The following ZFYVE16 variants were observed in gnomAD, a reference collection of about 807,000 sequenced individuals.
ZFYVE16 encodes the protein zinc finger FYVE domain-containing protein 16.
In ZFYVE16, 89 loss-of-function variants were observed where a neutral mutation model predicts 138.1. The observed-to-expected ratio is 0.64, with a 90% CI of 0.54 to 0.77. The LOEUF (loss-of-function observed/expected upper bound fraction) is 0.77, where lower values mean the gene tolerates loss of function less well. Ranked by LOEUF, ZFYVE16 falls within the 30% of genes least tolerant of loss-of-function variation. ZFYVE16 has a pLI of 0.00. For missense variants in ZFYVE16, 1,793 were observed against 1,786.7 expected (o/e 1.00, Z -0.06); for synonymous variants, 596 against 618.3 (o/e 0.96, Z 0.53).
chr5:80,410,680 C>T (rs1294873071), intron 1 of ZFYVE16, among the ~76,000 whole-genome samples: 2 of 151,306 alleles, frequency 1.3e-5, no homozygotes, highest in African/African-American at 2.4e-5. Flanking sequence ...AAGGGATTCT[C>T]CTGCCTCAGC....
chr5:80,421,791 T>C (rs1006868311), intron 1 of ZFYVE16, among the ~76,000 whole-genome samples: 2 of 152,178 alleles, frequency 1.3e-5, no homozygotes, highest in Non-Finnish European at 2.9e-5. Flanking sequence ...CTTTTTTGGT[T>C]CCATATGAAC....
chr5:80,437,993 G>C lies in ZFYVE16; in HGVS notation c.1308G>C (p.Gln436His). Residue 436 changes from glutamine (Q) to histidine (H), a missense_variant, in exon 4 of 19, where the codon CAG (glutamine) becomes CAC (histidine). By Grantham distance (24) the Gln-to-His change is conservative (BLOSUM62 0). Transcript: ENST00000505560. ...EPFKENDLLK[Q>H]EKCKSILLQS... ...TCAAAGAGAATGATCTTTTGAAACA[G>C]GAAAAATGTAAAAGCATACTCCTTC... 1 of 1,613,978 alleles carries C rather than the reference G, an allele frequency of 6.2e-7. No individual in the cohort carries two copies. Among genetic ancestry groups the C allele is most frequent in the South Asian group, 1.1e-5 (1 of 91,070 alleles).
intron 15 of ZFYVE16, among the ~76,000 whole-genome samples, chr5:80,471,609 C>T (rs1471914045): frequency 3.3e-5 from 5 of 152,262 alleles, no homozygotes; most frequent in Non-Finnish European, 5.9e-5. Flanking sequence ...GGTGACCCCC[C>T]GGACCCAGCA....
chr5:80,420,197 C>G (rs1439747218), intron 1 of ZFYVE16, among the ~76,000 whole-genome samples: 1 of 151,918 alleles, frequency 6.6e-6, no homozygotes, highest in Non-Finnish European at 1.5e-5. Flanking sequence ...ACTTCTGCCT[C>G]CCAGGTTCAA....
chr5:80,426,293 T>TATATAAATAAATAA (rs1402433567), intron 1 of ZFYVE16, among the ~76,000 whole-genome samples: 14 of 88,682 alleles, frequency 1.6e-4, no homozygotes, highest in African/African-American at 4.6e-4. Flanking sequence ...TATATATATA[T>TATATAAATAAATAA]AATTAAATTT....
chr5:80,469,672 A>G (rs1754104325), intron 15 of ZFYVE16, among the ~76,000 whole-genome samples: 1 of 151,536 alleles, frequency 6.6e-6, no homozygotes, highest in African/African-American at 2.4e-5. Context: ...GTACACAAAT[A>G]TATGTGCATG....
intron 1 of ZFYVE16, among the ~76,000 whole-genome samples, chr5:80,426,203 TGTGTGTG>T (rs1747978159): frequency 1.2e-4 from 1 of 8,410 alleles, no homozygotes; most frequent in Non-Finnish European, 1.2e-3. Context: ...GTGTGTGTGG[TGTGTGTG>T]TGTGTGTGTG....
intron 12 of ZFYVE16, 139 bp downstream of exon 12, chr5:80,455,913 A>G (rs1344142827): frequency 7.8e-6 from 6 of 768,260 alleles, no homozygotes; most frequent in Non-Finnish European, 1.2e-5. Context: ...ATAAATCCTA[A>G]TTATTTTAAC....
At chr5:80,420,505 C>T (rs1746979821) in intron 1 of ZFYVE16, among the ~76,000 whole-genome samples, 1 of 152,084 alleles carries the variant, frequency 6.6e-6, no homozygotes, top group Non-Finnish European at 1.5e-5. Context: ...TCCAAGTGTT[C>T]TCATTGTTCA....
chr5:80,475,734 A>C (rs1314652714), intron 18 of ZFYVE16, among the ~76,000 whole-genome samples: 2 of 152,132 alleles, frequency 1.3e-5, no homozygotes, highest in Non-Finnish European at 2.9e-5. Flanking sequence ...AATTTATCTA[A>C]CTAATTATTC....
At chr5:80,410,997 T>C (rs981703989) in intron 1 of ZFYVE16, among the ~76,000 whole-genome samples, 2 of 151,834 alleles carry the variant, frequency 1.3e-5, no homozygotes, top group African/African-American at 4.8e-5. Context: ...AGATGGAGTC[T>C]CGCTGTGTCG....
chr5:80,440,787 C>G, intron 5 of ZFYVE16: 2 of 984,666 alleles, frequency 2.0e-6, no homozygotes, highest in Non-Finnish European at 2.4e-6. Context: ...TAATTCCTAG[C>G]AAATATTACT....
chr5:80,426,025 A>G (rs2112259736), intron 1 of ZFYVE16, among the ~76,000 whole-genome samples: 1 of 152,278 alleles, frequency 6.6e-6, no homozygotes, highest in East Asian at 1.9e-4. Flanking sequence ...TTTTGTTACA[A>G]AGTATATTTT....
intron 7 of ZFYVE16, among the ~76,000 whole-genome samples, chr5:80,446,041 A>G (rs1043784309): frequency 6.6e-6 from 1 of 151,556 alleles, no homozygotes; most frequent in East Asian, 1.9e-4. Context: ...GATTACAGGC[A>G]TCCACCACCA....
intron 1 of ZFYVE16, among the ~76,000 whole-genome samples, chr5:80,410,647 T>G (rs1424860691): frequency 6.6e-6 from 1 of 152,010 alleles, no homozygotes; most frequent in Non-Finnish European, 1.5e-5. Context: ...CTCGGCTCAC[T>G]GTAACCTCTG....
chr5:80,419,537 GTCTTT>G (rs1179615194), intron 1 of ZFYVE16, among the ~76,000 whole-genome samples: 2 of 151,930 alleles, frequency 1.3e-5, no homozygotes, highest in African/African-American at 2.4e-5. Context: ...TAGATTCTTT[GTCTTT>G]TCTTATTTTT....
At chr5:80,473,114 G>A (rs1198356349) in intron 16 of ZFYVE16, among the ~76,000 whole-genome samples, 191 bp downstream of exon 16, 4 of 152,162 alleles carry the variant, frequency 2.6e-5, no homozygotes, top group African/African-American at 9.7e-5. Flanking sequence ...TGGTGGTGTG[G>A]TTTTTGGGCC....
intron 12 of ZFYVE16, 107 bp downstream of exon 12, chr5:80,455,881 G>A (rs1441095156): frequency 7.5e-6 from 7 of 938,148 alleles, no homozygotes; most frequent in Non-Finnish European, 1.1e-5. Context: ...GCCATATTTG[G>A]TATAATGACC....
At chr5:80,441,178 A>G in intron 5 of ZFYVE16, 2 of 985,454 alleles carry the variant, frequency 2.0e-6, no homozygotes, top group Non-Finnish European at 2.4e-6. Flanking sequence ...GCAAGCTCCC[A>G]TATAATTATC....
Sources: gnomAD v4.1 joint callset for allele counts (sites outside exome capture counted in the v4.1 genomes callset) on GRCh38, gnomAD v4.1.1 for gene constraint, MANE v1.5 for transcripts, NCBI Gene and HGNC (gene_info 2026-07-23, HGNC 2026-07-21) for gene names.